RARB: variants seen among roughly 807,000 people sequenced by gnomAD.
RARB encodes the protein HBV-activated protein.
RARB carries 17 observed loss-of-function variants against 51.9 expected under a neutral mutation model. The ratio of observed to expected loss-of-function variants is 0.33; its 90% CI spans 0.22 to 0.49. The LOEUF (loss-of-function observed/expected upper bound fraction) is 0.49. RARB is among the 20% of genes least tolerant of loss of function. The probability of loss-of-function intolerance (pLI) is 0.99; values close to 1 mark genes in which losing one functional copy is unlikely to be tolerated. For missense variants in RARB, 369 were observed against 550.8 expected (o/e 0.67, Z 3.30); for synonymous variants, 215 against 195.4 (o/e 1.10, Z -0.84).
intron 2 of RARB, among the ~76,000 whole-genome samples, chr3:24,891,556 C>G (rs1258373889): frequency 6.6e-6 from 1 of 152,150 alleles, no homozygotes; most frequent in Non-Finnish European, 1.5e-5. Context: ...CTTACCCACC[C>G]CCATCTCTAT....
In RARB at chr3:25,074,323, T is replaced by C. The variant is rs578163811; in HGVS notation, c.-328+14147T>C. Among the ~76,000 whole-genome samples, 3 of 152,326 alleles carry C rather than the reference T, an allele frequency of 2.0e-5. No individual in the cohort carries two copies. In the East Asian group the frequency reaches 5.8e-4, roughly 29 times the overall value. On this transcript the variant is annotated intron_variant, in intron 3 of 11. Transcript: ENST00000383772. ...TACATAGGTGGCTAAAAATAGCATC[T>C]GCTTCCCGATCGGCTGCTGAAAATC... is the stretch of plus-strand genomic sequence containing the variant.
chr3:25,429,068 G>A (rs1002923150), intron 1 of RARB, among the ~76,000 whole-genome samples, 180 bp downstream of exon 1: 15 of 152,106 alleles, frequency 9.9e-5, no homozygotes, highest in Non-Finnish European at 1.8e-4. Context: ...TTTCCTGTTA[G>A]ATGTTTTCTT....
At chr3:24,885,186 G>A (rs371540235) in intron 2 of RARB, among the ~76,000 whole-genome samples, 60 of 152,076 alleles carry the variant, frequency 3.9e-4, no homozygotes, top group Admixed American at 4.6e-4. Context: ...AGAGGAGTTC[G>A]ACTCCTGGCC....
In RARB at chr3:25,593,575, C is replaced by T; in HGVS notation, c.859C>T (p.Arg287Ter). 1 of 1,614,028 alleles carries T rather than the reference C, an allele frequency of 6.2e-7. No homozygotes were observed. Among genetic ancestry groups the T allele is most frequent in the Non-Finnish European group, 8.5e-7 (1 of 1,179,944 alleles). ...MTFSDGLTLN[R>*]TQMHNAGFGP... ...TTTCTCAGACGGCCTTACCCTAAAT[C>T]GAACTCAGATGCACAATGCTGGATT... is the stretch of plus-strand genomic sequence containing the variant. Residue 287 changes from arginine to a stop codon, truncating the protein, a stop_gained, in exon 6 of 8, where the codon CGA (arginine) becomes TGA (stop). Transcript: ENST00000330688. LOFTEE classifies it high-confidence loss of function.
chr3:25,414,358 A>G (rs773379409), intron 5 of RARB, among the ~76,000 whole-genome samples: 10 of 152,214 alleles, frequency 6.6e-5, no homozygotes, highest in Non-Finnish European at 1.0e-4. Context: ...GTTTGGGGCT[A>G]TTACTACAAA....
intron 5 of RARB, among the ~76,000 whole-genome samples, chr3:25,234,957 A>C (rs1702269225): frequency 6.6e-6 from 1 of 152,094 alleles, no homozygotes; most frequent in Non-Finnish European, 1.5e-5. Flanking sequence ...TTAGAGCAGG[A>C]CTTGGGAGAA....
chr3:25,186,885 C>CTGTGTGTGTGTGTGTGTGTGTGTGTG (rs71057702), intron 5 of RARB, among the ~76,000 whole-genome samples: 2 of 114,220 alleles, frequency 1.8e-5, no homozygotes, highest in Admixed American at 9.6e-5. Context: ...AAAGGTAAGC[C>CTGTGTGTGTGTGTGTGTGTGTGTGTG]TGTGTGTGTG....
At chr3:25,436,912 A>G (rs1246806575) in intron 1 of RARB, among the ~76,000 whole-genome samples, 1 of 152,160 alleles carries the variant, frequency 6.6e-6, no homozygotes, top group Non-Finnish European at 1.5e-5. Context: ...AGATAATGCA[A>G]GTAGCCTGCC....
intron 2 of RARB, among the ~76,000 whole-genome samples, chr3:24,898,072 G>C (rs1288616064): frequency 1.3e-5 from 2 of 152,062 alleles, no homozygotes; most frequent in African/African-American, 4.8e-5. Flanking sequence ...CTTAAAAATA[G>C]ATTATTTTTC....
chr3:25,056,516 T>G (rs1279035278), intron 2 of RARB, among the ~76,000 whole-genome samples: 1 of 152,108 alleles, frequency 6.6e-6, no homozygotes, highest in African/African-American at 2.4e-5. Flanking sequence ...AAAGCAAATA[T>G]AAAAGGAGAA....
chr3:25,266,738 A>G (rs1703135831), intron 5 of RARB, among the ~76,000 whole-genome samples: 1 of 152,146 alleles, frequency 6.6e-6, no homozygotes, highest in African/African-American at 2.4e-5. Context: ...ATCTGATAGA[A>G]CTGGTGTCCT....
intron 3 of RARB, among the ~76,000 whole-genome samples, chr3:25,516,464 TC>T (rs777765782): frequency 3.3e-5 from 5 of 152,222 alleles, no homozygotes; most frequent in Non-Finnish European, 7.3e-5. Flanking sequence ...TTTGATTCAT[TC>T]ATTAAAGGGA....
intron 3 of RARB, among the ~76,000 whole-genome samples, chr3:25,562,631 T>G (rs1389948537): frequency 1.3e-5 from 2 of 152,244 alleles, no homozygotes; most frequent in Non-Finnish European, 2.9e-5. Flanking sequence ...ACATTTTCTT[T>G]TTTCTCATTT....
chr3:24,849,369 T>G (rs1575034827), intron 1 of RARB, among the ~76,000 whole-genome samples: 1 of 152,354 alleles, frequency 6.6e-6, no homozygotes, highest in South Asian at 2.1e-4. Flanking sequence ...AGAATGGCTG[T>G]GCCTGTGGCA....
intron 3 of RARB, among the ~76,000 whole-genome samples, chr3:25,105,990 GC>G (rs1397744521): frequency 6.6e-6 from 1 of 152,168 alleles, no homozygotes; most frequent in African/African-American, 2.4e-5. Flanking sequence ...CAGCAGGAAA[GC>G]AATTCAGATC....
intron 3 of RARB, among the ~76,000 whole-genome samples, chr3:25,113,932 C>G (rs1394272861): frequency 6.6e-6 from 1 of 152,122 alleles, no homozygotes; most frequent in African/African-American, 2.4e-5. Context: ...CTGCCCTGTT[C>G]CCCTGGAAAT....
chr3:25,013,517 C>G (rs939357557), intron 2 of RARB, among the ~76,000 whole-genome samples: 1 of 152,084 alleles, frequency 6.6e-6, no homozygotes, highest in African/African-American at 2.4e-5. Context: ...TGAAGACTGA[C>G]CCTCATGCTT....
chr3:25,426,987 G>A (rs551101425), upstream of RARB, among the ~76,000 whole-genome samples: 1 of 152,286 alleles, frequency 6.6e-6, no homozygotes, highest in South Asian at 2.1e-4. Flanking sequence ...ATTGGGCAGG[G>A]GCTGGAATGA....
intron 1 of RARB, among the ~76,000 whole-genome samples, chr3:25,440,269 C>T (rs1240657889): frequency 6.6e-6 from 1 of 151,350 alleles, no homozygotes; most frequent in Non-Finnish European, 1.5e-5. Flanking sequence ...CTAGGCAACA[C>T]GGCAGAACCC....
Sources: allele counts gnomAD v4.1 joint callset (sites outside exome capture counted in the v4.1 genomes callset), GRCh38; gene constraint gnomAD v4.1.1; transcripts MANE v1.5; gene names NCBI Gene and HGNC (gene_info 2026-07-23, HGNC 2026-07-21).